MAPK8: variants seen among roughly 807,000 people sequenced by gnomAD.
MAPK8 encodes JUN N-terminal kinase.
In MAPK8, 13 loss-of-function variants were observed where a neutral mutation model predicts 52.9. That is an observed-to-expected ratio of 0.25 (90% CI 0.16 to 0.39). The LOEUF is 0.39. MAPK8 is among the 10% of genes least tolerant of loss of function. The probability of loss-of-function intolerance (pLI) is 1.00; values close to 1 mark genes in which losing one functional copy is unlikely to be tolerated. For missense variants in MAPK8, 300 were observed against 519.2 expected (o/e 0.58, Z 4.10); for synonymous variants, 191 against 169.8 (o/e 1.12, Z -0.97).
At chr10:48,400,853 A>G (rs2042123438) in intron 1 of MAPK8, among the ~76,000 whole-genome samples, 1 of 152,348 alleles carries the variant, frequency 6.6e-6, no homozygotes, top group East Asian at 1.9e-4. Flanking sequence ...GTAGAAAAAA[A>G]GTGTCTTGAT....
At chr10:48,429,643 A>G (rs2044013577) in intron 10 of MAPK8, among the ~76,000 whole-genome samples, 1 of 152,144 alleles carries the variant, frequency 6.6e-6, no homozygotes, top group African/African-American at 2.4e-5. Context: ...GCAAATGTTT[A>G]TCATTCCTTT....
Position 48,393,835 on chromosome 10 carries a change from G to A in MAPK8, c.-49-7777G>A, listed in dbSNP as rs140365971. ...ATGAGAAGAAAATAAAGATAAAATA[G>A]GAAGCATTGAAATATAAAAGTGTAA... On this transcript the variant is annotated intron_variant, in intron 1 of 11. Transcript: ENST00000374189. Among the ~76,000 whole-genome samples the A allele has an allele frequency of 2.1e-3, 319 of 151,942 alleles. 2 individuals are homozygous for A. Among genetic ancestry groups the A allele is most frequent in the African/African-American group, 7.1e-3 (296 of 41,510 alleles).
At chr10:48,375,409 GAAAT>G (rs1270371709) in intron 1 of MAPK8, among the ~76,000 whole-genome samples, 1 of 152,158 alleles carries the variant, frequency 6.6e-6, no homozygotes, top group East Asian at 1.9e-4. Flanking sequence ...GCAAGAGAAA[GAAAT>G]AAAGGGTATT....
At chr10:48,388,660 C>T (rs2041455609) in intron 1 of MAPK8, among the ~76,000 whole-genome samples, 1 of 152,114 alleles carries the variant, frequency 6.6e-6, no homozygotes, top group South Asian at 2.1e-4. Flanking sequence ...TATATAATCT[C>T]AATTGTGAGA....
intron 11 of MAPK8, among the ~76,000 whole-genome samples, chr10:48,432,121 A>G (rs921041891): frequency 3.3e-5 from 5 of 152,198 alleles, no homozygotes; most frequent in African/African-American, 1.2e-4. Context: ...AGGTTAGGAC[A>G]GTTGTATGAA....
intron 1 of MAPK8, among the ~76,000 whole-genome samples, chr10:48,333,298 A>G (rs928203327): frequency 8.5e-5 from 13 of 152,166 alleles, no homozygotes; most frequent in Non-Finnish European, 1.8e-4. Flanking sequence ...CTTTGATTTA[A>G]TATATTCCTG....
intron 1 of MAPK8, among the ~76,000 whole-genome samples, chr10:48,331,091 C>G (rs1412312796): frequency 6.6e-6 from 1 of 152,128 alleles, no homozygotes; most frequent in African/African-American, 2.4e-5. Context: ...AGTTACCCAC[C>G]CCGTTTACTG....
At chr10:48,384,643 A>C (rs1044384827) in intron 1 of MAPK8, among the ~76,000 whole-genome samples, 2 of 152,244 alleles carry the variant, frequency 1.3e-5, no homozygotes, top group African/African-American at 4.8e-5. Flanking sequence ...CTTCTAAAAA[A>C]GAAGGGTTTG....
intron 1 of MAPK8, among the ~76,000 whole-genome samples, chr10:48,393,616 C>T (rs2041741015): frequency 6.6e-6 from 1 of 152,038 alleles, no homozygotes; most frequent in Admixed American, 6.6e-5. Flanking sequence ...ATTTACAAAG[C>T]CCTTGAAACA....
chr10:48,374,228 G>T (rs553136609), intron 1 of MAPK8, among the ~76,000 whole-genome samples: 1 of 152,262 alleles, frequency 6.6e-6, no homozygotes, highest in South Asian at 2.1e-4. Flanking sequence ...GAGAATCTCT[G>T]GGACACATTT....
intron 1 of MAPK8, among the ~76,000 whole-genome samples, chr10:48,364,062 T>A (rs151188748): frequency 1.4e-4 from 22 of 152,326 alleles, no homozygotes; most frequent in African/African-American, 5.3e-4. Context: ...TTCATAGTCA[T>A]TTGGAGTCAT....
At chr10:48,363,562 C>A (rs748336691) in intron 1 of MAPK8, among the ~76,000 whole-genome samples, 1 of 152,152 alleles carries the variant, frequency 6.6e-6, no homozygotes, top group Non-Finnish European at 1.5e-5. Context: ...CATCTTTCCT[C>A]GATATCTACT....
At chr10:48,320,895 G>C (rs1195154478) in intron 1 of MAPK8, among the ~76,000 whole-genome samples, 1 of 152,060 alleles carries the variant, frequency 6.6e-6, no homozygotes. Context: ...GTTATTGTCT[G>C]TCTTGAAAAT....
intron 3 of MAPK8, among the ~76,000 whole-genome samples, chr10:48,406,641 C>T (rs570919501): frequency 6.6e-6 from 1 of 152,258 alleles, no homozygotes; most frequent in African/African-American, 2.4e-5. Context: ...CTGAATTATT[C>T]CACTCACCCA....
chr10:48,325,956 C>T (rs1157394355), intron 1 of MAPK8: 1 of 152,174 alleles, frequency 6.6e-6, no homozygotes, highest in East Asian at 1.9e-4. Flanking sequence ...TTCATCACAT[C>T]CTGTCAAGGG....
chr10:48,368,313 G>T (rs1848247947), intron 1 of MAPK8, among the ~76,000 whole-genome samples: 1 of 152,210 alleles, frequency 6.6e-6, no homozygotes, highest in African/African-American at 2.4e-5. Context: ...GAAAGACTCA[G>T]TGTTGTCTTG....
intron 7 of MAPK8, chr10:48,424,657 G>A: frequency 1.0e-6 from 1 of 970,964 alleles, no homozygotes; most frequent in South Asian, 1.8e-5. Flanking sequence ...GTTTGGTCAG[G>A]TATAATGTAT....
chr10:48,402,849 A>G (rs1293064290), intron 2 of MAPK8, among the ~76,000 whole-genome samples: 1 of 152,224 alleles, frequency 6.6e-6, no homozygotes, highest in Non-Finnish European at 1.5e-5. Flanking sequence ...TATCAACAGA[A>G]GAATAAAAAA....
At chr10:48,320,329 C>G (rs1189106651) in intron 1 of MAPK8, among the ~76,000 whole-genome samples, 1 of 143,984 alleles carries the variant, frequency 6.9e-6, no homozygotes, top group African/African-American at 2.6e-5. Context: ...GCTGAAACTC[C>G]TGGGCTGAAG....
Sources: gnomAD v4.1 joint callset for allele counts (sites outside exome capture counted in the v4.1 genomes callset) on GRCh38, gnomAD v4.1.1 for gene constraint, MANE v1.5 for transcripts, NCBI Gene and HGNC (gene_info 2026-07-23, HGNC 2026-07-21) for gene names.